DDX6: variants seen among roughly 807,000 people sequenced by gnomAD.
DDX6 encodes DEAD-box helicase 6.
Under a neutral mutation model 60.6 loss-of-function variants are expected in DDX6, and 7 were observed. The ratio of observed to expected loss-of-function variants is 0.12; its 90% CI spans 0.07 to 0.22. The LOEUF (loss-of-function observed/expected upper bound fraction) is 0.22. Ranked by LOEUF, DDX6 falls within the 10% of genes least tolerant of loss-of-function variation. DDX6 has a pLI of 1.00. For synonymous variants in DDX6, 207 were observed against 201.0 expected, an observed-to-expected ratio of 1.03 and a Z score of -0.25; for missense variants, 270 against 589.9, an observed-to-expected ratio of 0.46 and a Z score of 5.62.
chr11:118,774,606 TAC>T (rs1268077522), intron 4 of DDX6, among the ~76,000 whole-genome samples: 2 of 151,858 alleles, frequency 1.3e-5, no homozygotes, highest in African/African-American at 4.8e-5. Context: ...CTAATTTTTG[TAC>T]AGTCAGGGTT....
At chr11:118,769,928 T>C (rs1555162131) in intron 4 of DDX6, among the ~76,000 whole-genome samples, 1 of 152,150 alleles carries the variant, frequency 6.6e-6, no homozygotes, top group African/African-American at 2.4e-5. Context: ...CAGGATGGTG[T>C]TGATCTCCTG....
intron 1 of DDX6, chr11:118,789,962 T>C (rs747542193): frequency 2.0e-5 from 3 of 152,062 alleles, no homozygotes; most frequent in African/African-American, 4.8e-5. Context: ...ACAAGAAACG[T>C]AGACTAGTTG....
At chr11:118,758,493 C>T (rs1555159482) in intron 9 of DDX6, among the ~76,000 whole-genome samples, 1 of 152,136 alleles carries the variant, frequency 6.6e-6, no homozygotes, top group Non-Finnish European at 1.5e-5. Flanking sequence ...CCTGCCTCGG[C>T]CTCCCAAGTA....
In DDX6 at chr11:118,748,403, GA is replaced by G. The variant is rs1450404315; in HGVS notation, c.*3701del. ...TTAAAAAACTATCTTTAGATTTAGA[GA>G]TACAAAGTACAACTACAATCTCACA... On this transcript the variant is annotated 3_prime_UTR_variant, in exon 14 of 14. Transcript: ENST00000534980. 1 of 152,128 alleles carries G rather than the reference GA, an allele frequency of 6.6e-6. No homozygotes were observed. Among genetic ancestry groups the G allele is most frequent in the Non-Finnish European group, 1.5e-5 (1 of 68,026 alleles). The allele number at this position is 152,128 out of a possible 1,614,324, so 9.4% of individuals were successfully genotyped here.
intron 4 of DDX6, among the ~76,000 whole-genome samples, chr11:118,779,013 C>T (rs1221858482): frequency 4.0e-5 from 6 of 151,702 alleles, no homozygotes; most frequent in South Asian, 2.1e-4. Context: ...AAAAATTAGC[C>T]GGGTGTTGTG....
At chr11:118,760,991 T>C (rs1204534057) in intron 7 of DDX6, among the ~76,000 whole-genome samples, 1 of 151,806 alleles carries the variant, frequency 6.6e-6, no homozygotes, top group African/African-American at 2.4e-5. Context: ...AATACAAAAA[T>C]TAGCTGTGCA....
chr11:118,765,390 G>A, intron 5 of DDX6, 35 bp from the exon 6 acceptor site: 1 of 1,607,176 alleles, frequency 6.2e-7, no homozygotes, highest in South Asian at 1.1e-5. Flanking sequence ...AAGAAAATAT[G>A]GGGTGAGGTG....
Position 118,786,284 on chromosome 11 carries a change from A to G in DDX6, c.-33T>C. ...TAATTGCAAAGGTCTTTCAAACTTCAAAACTTTTGAAAGTCAGTAGAGAAA... is the reference window on the plus strand; with the variant it reads ...TAATTGCAAAGGTCTTTCAAACTTCGAAACTTTTGAAAGTCAGTAGAGAAA... On this transcript the variant is annotated 5_prime_UTR_variant, in exon 2 of 14. Transcript: ENST00000534980. 1.3e-6 allele frequency: 2 copies of G among 1,557,100 alleles called. No individual in the cohort carries two copies. Among genetic ancestry groups the G allele is most frequent in the Non-Finnish European group, 1.7e-6 (2 of 1,147,348 alleles).
At position 118,751,532 on chromosome 11, in the gene DDX6, A is replaced by T. The variant is rs1289130364; in HGVS notation, c.*573T>A. 4 of 153,628 alleles carry T rather than the reference A, an allele frequency of 2.6e-5. No homozygotes were observed. The highest frequency in any genetic ancestry group is 9.7e-5 in the African/African-American group (4 of 41,450). The allele number at this position is 153,628 out of a possible 1,614,324, so 9.5% of individuals were successfully genotyped here. On this transcript the variant is annotated 3_prime_UTR_variant, in exon 14 of 14. Transcript: ENST00000534980. ...GAAGAGACTTCAACCTGAAACCAAA[A>T]TAAGAAGACATTTTTTAAAAGAAAA... is the stretch of plus-strand genomic sequence containing the variant.
intron 7 of DDX6, among the ~76,000 whole-genome samples, chr11:118,760,420 A>T (rs1225744307): frequency 1.3e-5 from 2 of 152,222 alleles, no homozygotes; most frequent in Non-Finnish European, 2.9e-5. Flanking sequence ...CTCTTGCCTG[A>T]GCCTACTGAG....
upstream of DDX6, chr11:118,791,494 G>C (rs4508234): frequency 0.86 from 131,422 of 152,386 alleles, 56,906 homozygotes; most frequent in East Asian, 1. Flanking sequence ...GCAAGGGTAG[G>C]CCTGCCTTCG....
At chr11:118,773,002 T>A (rs1861584461) in intron 4 of DDX6, among the ~76,000 whole-genome samples, 1 of 152,222 alleles carries the variant, frequency 6.6e-6, no homozygotes, top group Non-Finnish European at 1.5e-5. Context: ...CAGAGCTATC[T>A]CAATTCTTAG....
intron 4 of DDX6, among the ~76,000 whole-genome samples, chr11:118,774,085 C>G (rs570770891): frequency 1.0e-3 from 152 of 152,204 alleles, no homozygotes; most frequent in African/African-American, 3.5e-3. Context: ...CCATGTTTCC[C>G]TCAATAATCA....
intron 1 of DDX6, chr11:118,788,137 C>T (rs1165445222): frequency 1.3e-5 from 2 of 152,108 alleles, no homozygotes; most frequent in African/African-American, 4.8e-5. Context: ...CGGTGAAACT[C>T]CGTTCCACTA....
chr11:118,749,633 G>C lies in DDX6; in HGVS notation c.*2472C>G, dbSNP rs543509597. The C allele has an allele frequency of 6.5e-6, 1 of 152,706 alleles. No individual in the cohort carries two copies. The highest frequency in any genetic ancestry group is 1.5e-5 in the Non-Finnish European group (1 of 68,024). 9.5% of individuals were successfully genotyped at this position (152,706 alleles called of 1,614,324 possible). Reference sequence around the variant, plus strand: ...GTTGGTGAAGGAGACTGCACTTTTTGTTTAGTCACCCACACGTTCTCTAGC... The same window carrying C: ...GTTGGTGAAGGAGACTGCACTTTTTCTTTAGTCACCCACACGTTCTCTAGC... On this transcript the variant is annotated 3_prime_UTR_variant, in exon 14 of 14. Transcript: ENST00000534980.
At chr11:118,765,456 C>A (rs1042760878) in intron 5 of DDX6, 101 bp from the exon 6 acceptor site, 3 of 1,264,876 alleles carry the variant, frequency 2.4e-6, no homozygotes, top group Non-Finnish European at 3.4e-6. Context: ...AGAAATACTG[C>A]GCCTTATGAT....
At chr11:118,762,501 G>A (rs117050167) in intron 7 of DDX6, among the ~76,000 whole-genome samples, 1,153 of 6,200 alleles carry the variant, frequency 0.19, 72 homozygotes, top group East Asian at 0.5. Context: ...TTACAGTTGG[G>A]CAAAATCACC....
chr11:118,782,399 C>CA (rs1861927921), intron 2 of DDX6, among the ~76,000 whole-genome samples: 1 of 149,524 alleles, frequency 6.7e-6, no homozygotes, highest in African/African-American at 2.5e-5. Context: ...AATAAATACT[C>CA]AAAGCATCTT....
intron 4 of DDX6, among the ~76,000 whole-genome samples, chr11:118,775,484 A>C (rs782572862): frequency 6.6e-6 from 1 of 152,204 alleles, no homozygotes; most frequent in African/African-American, 2.4e-5. Context: ...AGAAACACAT[A>C]ATCTTGTGCT....
Sources: gnomAD v4.1 joint callset for allele counts (sites outside exome capture counted in the v4.1 genomes callset) on GRCh38, gnomAD v4.1.1 for gene constraint, MANE v1.5 for transcripts, NCBI Gene and HGNC (gene_info 2026-07-23, HGNC 2026-07-21) for gene names.